CSMD3: variants seen among roughly 807,000 people sequenced by gnomAD.
CSMD3 encodes CUB and sushi domain-containing protein 3.
Under a neutral mutation model 435.2 loss-of-function variants are expected in CSMD3, and 177 were observed. That is an observed-to-expected ratio of 0.41 (90% confidence interval 0.36 to 0.46). CSMD3 has a LOEUF of 0.46. Ranked by LOEUF, CSMD3 falls within the 20% of genes least tolerant of loss-of-function variation. CSMD3 has a pLI of 0.34. For missense variants in CSMD3, 4,265 were observed against 4,504.6 expected (o/e 0.95, Z 1.52); for synonymous variants, 1,656 against 1,520.5 (o/e 1.09, Z -2.07).
intron 56 of CSMD3, 80 bp downstream of exon 56, chr8:112,291,430 A>C: frequency 1.1e-6 from 1 of 934,542 alleles, no homozygotes; most frequent in Admixed American, 1.9e-5. Context: ...ATATATCTTT[A>C]GGTCATTTTA....
At chr8:112,761,032 G>A (rs2077825438) in intron 13 of CSMD3, among the ~76,000 whole-genome samples, 1 of 152,136 alleles carries the variant, frequency 6.6e-6, no homozygotes, top group African/African-American at 2.4e-5. Flanking sequence ...AAAAGCTGAA[G>A]ACTGATTAAG....
chr8:113,242,833 G>C (rs1312261744), intron 3 of CSMD3, among the ~76,000 whole-genome samples: 1 of 151,640 alleles, frequency 6.6e-6, no homozygotes, highest in Non-Finnish European at 1.5e-5. Context: ...CTAAAATATA[G>C]GTAAAGTTCT....
At chr8:113,373,478 A>T (rs1043161010) in intron 1 of CSMD3, among the ~76,000 whole-genome samples, 25 of 152,092 alleles carry the variant, frequency 1.6e-4, no homozygotes, top group Non-Finnish European at 3.4e-4. Context: ...TTGCTTAAAT[A>T]CGTATATGTA....
chr8:113,377,183 C>A, intron 1 of CSMD3: 1 of 1,193,864 alleles, frequency 8.4e-7, no homozygotes, highest in South Asian at 1.8e-5. Flanking sequence ...ACCCTACATC[C>A]GCTCCAATGG....
intron 1 of CSMD3, among the ~76,000 whole-genome samples, chr8:113,421,822 T>C (rs914483149): frequency 2.0e-5 from 3 of 152,108 alleles, no homozygotes; most frequent in Non-Finnish European, 2.9e-5. Context: ...GAAAGATCTA[T>C]CAAATACCAT....
In CSMD3 at chr8:112,885,994, T is replaced by C. The variant is rs184735188; in HGVS notation, c.1634-26728A>G. On this transcript the variant is annotated intron_variant, in intron 10 of 70. Transcript: ENST00000297405. ...AGGCACTGAAATACATGTTCCTAAA[T>C]ATTTTTAGAGAAATCACCTCTTTTT... 3.2e-4 allele frequency among the ~76,000 whole-genome samples: 49 copies of C among 151,876 alleles called. 1 individual carries two copies. The East Asian group carries it at 6.8e-3, about 21-fold the overall frequency.
intron 16 of CSMD3, among the ~76,000 whole-genome samples, chr8:112,678,415 A>C (rs2075813846): frequency 6.6e-6 from 1 of 152,322 alleles, no homozygotes; most frequent in Non-Finnish European, 1.5e-5. Context: ...TACCTGCAAC[A>C]AGATGATGGC....
At chr8:112,485,820 A>T (rs995580272) in intron 31 of CSMD3, among the ~76,000 whole-genome samples, 3 of 152,090 alleles carry the variant, frequency 2.0e-5, no homozygotes, top group Non-Finnish European at 4.4e-5. Flanking sequence ...CATTCCACAT[A>T]TACTTGGAAG....
chr8:113,361,599 T>C (rs916929720), intron 1 of CSMD3, among the ~76,000 whole-genome samples: 7 of 152,100 alleles, frequency 4.6e-5, no homozygotes, highest in African/African-American at 7.2e-5. Flanking sequence ...CATTATTATA[T>C]CATAAAAAGT....
intron 31 of CSMD3, among the ~76,000 whole-genome samples, chr8:112,480,670 C>T (rs1196874356): frequency 1.3e-5 from 2 of 152,054 alleles, no homozygotes; most frequent in African/African-American, 4.8e-5. Flanking sequence ...GTGTCTAATC[C>T]CCCTTCACCT....
At chr8:112,476,660 A>C (rs535506646) in intron 31 of CSMD3, among the ~76,000 whole-genome samples, 11 of 152,324 alleles carry the variant, frequency 7.2e-5, no homozygotes, top group African/African-American at 2.4e-4. Flanking sequence ...GCTGTACCAA[A>C]GAACTGTGTT....
intron 9 of CSMD3, among the ~76,000 whole-genome samples, chr8:112,938,197 T>C (rs1364941815): frequency 6.6e-6 from 1 of 152,146 alleles, no homozygotes; most frequent in South Asian, 2.1e-4. Flanking sequence ...CCAACCACCA[T>C]CACTCACCAA....
chr8:113,318,873 T>C (rs2093929646), intron 1 of CSMD3, among the ~76,000 whole-genome samples: 1 of 151,306 alleles, frequency 6.6e-6, no homozygotes, highest in African/African-American at 2.4e-5. Flanking sequence ...ATCCCCTTTT[T>C]AAGGCTGAAT....
At chr8:113,223,435 C>T (rs1346902787) in intron 3 of CSMD3, among the ~76,000 whole-genome samples, 1 of 150,354 alleles carries the variant, frequency 6.7e-6, no homozygotes, top group African/African-American at 2.4e-5. Flanking sequence ...ATGAGTATGG[C>T]ATTAGTACCT....
At position 112,406,663 on chromosome 8, in the gene CSMD3, A is replaced by G. The variant is rs761197651; in HGVS notation, c.5670T>C (p.Ile1890=). 18 of 1,612,320 alleles carry G rather than the reference A, an allele frequency of 1.1e-5. No individual in the cohort carries two copies. Among genetic ancestry groups the G allele is most frequent in the Non-Finnish European group, 1.4e-5 (16 of 1,178,718 alleles). Reference sequence around the variant, plus strand: ...ATGAACCGACTGCAAATTCATTGCCAATTCTTCTTCCGAATCTTGGTTCAG... The same window carrying G: ...ATGAACCGACTGCAAATTCATTGCCGATTCTTCTTCCGAATCTTGGTTCAG... The part of the protein sequence containing the change: ...SVPEPRFGRR[I]GNEFAVGSSV... The change falls in exon 35 of 71, where the codon ATT becomes ATC. Residue 1890 remains isoleucine, a synonymous_variant. Coordinates refer to ENST00000297405, the MANE Select transcript of CSMD3 (RefSeq NM_198123.2).
chr8:113,413,977 AAAT>A (rs2094570680), intron 1 of CSMD3, among the ~76,000 whole-genome samples: 1 of 152,226 alleles, frequency 6.6e-6, no homozygotes, highest in Non-Finnish European at 1.5e-5. Flanking sequence ...CCTTTAAAAG[AAAT>A]GTGCTTGAAA....
intron 5 of CSMD3, among the ~76,000 whole-genome samples, chr8:113,046,564 C>G (rs1015812666): frequency 2.0e-5 from 3 of 152,138 alleles, no homozygotes; most frequent in African/African-American, 7.2e-5. Context: ...GATTGGCTGC[C>G]CCTACTGTCA....
chr8:112,314,750 A>T, intron 47 of CSMD3, 133 bp from the exon 48 acceptor site: 2 of 704,418 alleles, frequency 2.8e-6, no homozygotes, highest in Admixed American at 4.3e-5. Flanking sequence ...TTGTTAGAAG[A>T]GACAAGTTGT....
chr8:112,858,008 A>G (rs2080714524), intron 11 of CSMD3, among the ~76,000 whole-genome samples: 1 of 151,696 alleles, frequency 6.6e-6, no homozygotes. Flanking sequence ...TTTGGGGCAG[A>G]GTAGGTTTCT....
Sources: allele counts gnomAD v4.1 joint callset (sites outside exome capture counted in the v4.1 genomes callset), GRCh38; gene constraint gnomAD v4.1.1; transcripts MANE v1.5; gene names NCBI Gene and HGNC (gene_info 2026-07-23, HGNC 2026-07-21).